Variants in PSMD14 observed in about 807,000 individuals in gnomAD.
The protein encoded by PSMD14 is ubiquitin C-terminal hydrolase PSMD14.
Under a neutral mutation model 41.2 loss-of-function variants are expected in PSMD14, and 7 were observed. That is an observed-to-expected ratio of 0.17 (90% CI 0.10 to 0.32). The LOEUF (loss-of-function observed/expected upper bound fraction) is 0.32. PSMD14 is among the 10% of genes least tolerant of loss of function. The probability of loss-of-function intolerance (pLI) is 1.00; values close to 1 mark genes in which losing one functional copy is unlikely to be tolerated. For synonymous variants in PSMD14, 114 were observed against 122.3 expected, an observed-to-expected ratio of 0.93 and a Z score of 0.45; for missense variants, 139 against 375.6, an observed-to-expected ratio of 0.37 and a Z score of 5.21.
intron 10 of PSMD14, among the ~76,000 whole-genome samples, chr2:161,397,640 ATATTT>A (rs1392918128): frequency 2.0e-5 from 3 of 152,220 alleles, no homozygotes. Context: ...ATCTTAAAAA[ATATTT>A]TATCCAAGAG....
rs1028509742 is a variant in PSMD14 at position 161,410,486 on chromosome 2, A to G, written c.835-816A>G. On this transcript the variant is annotated intron_variant, in intron 11 of 11. Coordinates refer to ENST00000409682, the MANE Select transcript of PSMD14 (RefSeq NM_005805.6). ...TGTATAATATATATTCCTTATTTCA[A>G]AGCTCTGAAATTTTGCTCAAATACT... is the stretch of plus-strand genomic sequence containing the variant. Among the ~76,000 whole-genome samples, 11 of 152,116 alleles carry G rather than the reference A, an allele frequency of 7.2e-5. No homozygotes were observed. The East Asian group carries it at 1.5e-3, about 21-fold the overall frequency.
At position 161,316,427 on chromosome 2, in the gene PSMD14, C is replaced by CT. The variant is rs1298637880; in HGVS notation, c.-137-3dup. ...AAATAATTATATTTTATTTTGTTTA[C>CT]TTTTTTTAGGAGAGAAAGAAAAAAT... On this transcript the variant is annotated splice_polypyrimidine_tract_variant and intron_variant, in intron 1 of 11. Coordinates refer to ENST00000409682, the MANE Select transcript of PSMD14 (RefSeq NM_005805.6). 8 of 151,826 alleles carry CT rather than the reference C, an allele frequency of 5.3e-5. No homozygotes were observed. Among genetic ancestry groups the CT allele is most frequent in the Non-Finnish European group, 8.8e-5 (6 of 67,908 alleles). The allele number at this position is 151,826 out of a possible 1,614,324, so 9.4% of individuals were successfully genotyped here.
chr2:161,316,671 GTGAT>G (rs1689151406), intron 2 of PSMD14, 102 bp downstream of exon 2: 1 of 152,172 alleles, frequency 6.6e-6, no homozygotes. Context: ...AATTATGAAT[GTGAT>G]TGATAACCAG....
intron 3 of PSMD14, among the ~76,000 whole-genome samples, chr2:161,354,442 G>A (rs552425171): frequency 2.6e-5 from 4 of 152,148 alleles, no homozygotes; most frequent in East Asian, 1.9e-4. Flanking sequence ...AGACGGTTTC[G>A]TCATGTTGCC....
At position 161,401,210 on chromosome 2, in the gene PSMD14, G is replaced by A. The variant is rs890989920; in HGVS notation, c.771+6007G>A. The stretch of plus-strand genomic sequence containing the variant: ...CATATTCTTTTCTCTAGCTTACTTC[G>A]TTGTAACAATATAGTATATGATGTA... On this transcript the variant is annotated intron_variant, in intron 10 of 11. Coordinates refer to ENST00000409682, the MANE Select transcript of PSMD14 (RefSeq NM_005805.6). Among the ~76,000 whole-genome samples, 6 of 152,090 alleles carry A rather than the reference G, an allele frequency of 3.9e-5. No homozygotes were observed. In the East Asian group the frequency reaches 5.8e-4, roughly 15 times the overall value.
chr2:161,341,356 T>TGCGACCCCGAGGGATCCCGCC, intron 3 of PSMD14: 1 of 995,124 alleles, frequency 1.0e-6, no homozygotes, highest in Non-Finnish European at 1.2e-6. Flanking sequence ...GCCGGCCAGC[T>TGCGACCCCGAGGGATCCCGCC]GCGACCCCGA....
At chr2:161,342,159 T>C (rs964631204) in intron 3 of PSMD14, among the ~76,000 whole-genome samples, 1 of 152,174 alleles carries the variant, frequency 6.6e-6, no homozygotes, top group Non-Finnish European at 1.5e-5. Flanking sequence ...CTGATCTGAC[T>C]AGAACCTTTA....
At chr2:161,356,953 A>G (rs557755425) in intron 3 of PSMD14, among the ~76,000 whole-genome samples, 1 of 152,144 alleles carries the variant, frequency 6.6e-6, no homozygotes, top group South Asian at 2.1e-4. Context: ...TAAATAATTG[A>G]TACCAGTTCA....
At chr2:161,349,774 C>T (rs565521079) in intron 3 of PSMD14, among the ~76,000 whole-genome samples, 14 of 152,224 alleles carry the variant, frequency 9.2e-5, no homozygotes, top group Admixed American at 2.0e-4. Context: ...GTGAGCCAGA[C>T]GAGCAGGGTG....
intron 3 of PSMD14, among the ~76,000 whole-genome samples, chr2:161,329,391 G>A (rs1380949525): frequency 6.6e-6 from 1 of 152,068 alleles, no homozygotes; most frequent in Admixed American, 6.5e-5. Flanking sequence ...ATAGTAGTAT[G>A]CAAATGAGCA....
rs549142926 is a variant in PSMD14, at chr2:161,318,954, C to G, written c.48+81C>G. ...AGTTAGCCAAAGAGAAAGAAATTAT[C>G]CCCAAGAAAATCACCTAACAGATAA... On this transcript the variant is annotated intron_variant, in intron 3 of 11. Coordinates refer to ENST00000409682, the MANE Select transcript of PSMD14 (RefSeq NM_005805.6). 2.6e-6 allele frequency: 3 copies of G among 1,153,526 alleles called. No homozygotes were observed. The African/African-American group carries it at 4.7e-5, about 18-fold the overall frequency. 71.5% of individuals were successfully genotyped at this position (1,153,526 alleles called of 1,614,324 possible). A position where few individuals can be genotyped will look rare whatever the true frequency, so the allele number is the denominator to read the frequency against.
intron 8 of PSMD14, among the ~76,000 whole-genome samples, chr2:161,389,912 T>TTTTTTTTTTTTTTTTTTTTTTTTTTTG: frequency 7.7e-6 from 1 of 130,290 alleles, no homozygotes; most frequent in South Asian, 2.4e-4. Context: ...TTTTTTTTTT[T>TTTTTTTTTTTTTTTTTTTTTTTTTTTG]AGAGATGGGG....
rs144042472 is a variant in PSMD14, at chr2:161,350,630, A to C, written c.49-16848A>C. On this transcript the variant is annotated intron_variant, in intron 3 of 11. Coordinates refer to ENST00000409682, the MANE Select transcript of PSMD14 (RefSeq NM_005805.6). The stretch of plus-strand genomic sequence containing the variant: ...TAATCAAAGTAGCAGGAAGGAGAGG[A>C]GATCTCAGATCATTTCCAATAAGAG... 1.9e-3 allele frequency among the ~76,000 whole-genome samples: 287 copies of C among 152,358 alleles called. 2 individuals are homozygous for C. Among genetic ancestry groups the C allele is most frequent in the African/African-American group, 6.7e-3 (277 of 41,582 alleles).
At chr2:161,327,718 C>A (rs1157744260) in intron 3 of PSMD14, among the ~76,000 whole-genome samples, 2 of 152,026 alleles carry the variant, frequency 1.3e-5, no homozygotes, top group African/African-American at 4.8e-5. Context: ...ATCTGCAACA[C>A]CACGTAGTTC....
chr2:161,341,525 T>A (rs1183798506), intron 3 of PSMD14, among the ~76,000 whole-genome samples: 1 of 151,970 alleles, frequency 6.6e-6, no homozygotes, highest in African/African-American at 2.4e-5. Flanking sequence ...GACCAGAGTT[T>A]TTAATTTTGA....
intron 3 of PSMD14, among the ~76,000 whole-genome samples, chr2:161,327,657 AC>A (rs1360754282): frequency 6.6e-6 from 1 of 152,120 alleles, no homozygotes; most frequent in African/African-American, 2.4e-5. Context: ...GACTACAGAA[AC>A]AAACTTATAA....
At chr2:161,330,352 A>G (rs1236220795) in intron 3 of PSMD14, among the ~76,000 whole-genome samples, 1 of 152,212 alleles carries the variant, frequency 6.6e-6, no homozygotes, top group Non-Finnish European at 1.5e-5. Flanking sequence ...GGAAATTAAG[A>G]CATTGCAACA....
chr2:161,311,074 A>G (rs935045743), intron 1 of PSMD14, among the ~76,000 whole-genome samples: 4 of 152,212 alleles, frequency 2.6e-5, no homozygotes, highest in Non-Finnish European at 5.9e-5. Flanking sequence ...TGGGAGGCTG[A>G]GGCTCAGGAT....
At chr2:161,395,347 G>A in intron 10 of PSMD14, 144 bp downstream of exon 10, 1 of 776,444 alleles carries the variant, frequency 1.3e-6, no homozygotes, top group Non-Finnish European at 2.0e-6. Flanking sequence ...CATCTGGTCT[G>A]CAACTACTCA....
Sources: allele counts gnomAD v4.1 joint callset (sites outside exome capture counted in the v4.1 genomes callset), GRCh38; gene constraint gnomAD v4.1.1; transcripts MANE v1.5; gene names NCBI Gene and HGNC (gene_info 2026-07-23, HGNC 2026-07-21).